Variants in TNC observed in about 807,000 individuals in gnomAD.
TNC encodes the protein tenascin.
A neutral mutation model predicts 202.4 loss-of-function variants in TNC; 109 were observed. That is an observed-to-expected ratio of 0.54 (90% confidence interval 0.46 to 0.63). The LOEUF (loss-of-function observed/expected upper bound fraction) is 0.63. Ranked by LOEUF, TNC falls within the 30% of genes least tolerant of loss-of-function variation. The pLI is 0.00. For missense variants in TNC, 2,756 were observed against 2,833.3 expected, an observed-to-expected ratio of 0.97 and a Z score of 0.62; for synonymous variants, 1,007 against 1,089.7, an observed-to-expected ratio of 0.92 and a Z score of 1.50.
chr9:115,026,665 T>C lies in TNC; in HGVS notation c.6200A>G (p.Gln2067Arg). 1 of 1,613,934 alleles carries C rather than the reference T, an allele frequency of 6.2e-7. No homozygotes were observed. The highest frequency in any genetic ancestry group is 8.5e-7 in the Non-Finnish European group (1 of 1,179,956). ...GLDNLNKITAQGQYELRVDLR... is the reference protein window; with the variant it reads ...GLDNLNKITARGQYELRVDLR... ...GTCCACCCGGAGCTCGTACTGCCCC[T>C]GGGCTGTGATTTTGTTCAGGTTGTC... The change falls in exon 26 of 28, where the codon CAG (glutamine) becomes CGG (arginine). Residue 2067 changes from glutamine to arginine, a missense_variant. Transcript: ENST00000350763.
Position 115,086,795 on chromosome 9 carries a change from C to T in TNC, c.936G>A (p.Glu312=). 1 of 1,614,032 alleles carries T rather than the reference C, an allele frequency of 6.2e-7. No individual in the cohort carries two copies. The highest frequency in any genetic ancestry group is 2.2e-5 in the East Asian group (1 of 44,884). ...CGAAGCAGTCATTGGGGCAGATGAG[C>T]TCACTGCAGTCTTCGCCCGTGAAAC... is the stretch of plus-strand genomic sequence containing the variant. ...DEGFTGEDCS[E]LICPNDCFDR... is the part of the protein sequence containing the mutation. Residue 312 remains glutamate (E), a synonymous_variant, in exon 3 of 28, where the codon GAG becomes GAA. Coordinates refer to ENST00000350763, the MANE Select transcript of TNC (RefSeq NM_002160.4).
chr9:115,085,818 C>T (rs1383844417), intron 3 of TNC, 46 bp downstream of exon 3: 1 of 1,530,080 alleles, frequency 6.5e-7, no homozygotes, highest in Non-Finnish European at 8.9e-7. Context: ...ACTAGGAGTC[C>T]ACTCCATCAT....
rs1834753412 is a variant in TNC, at chr9:115,086,543, A to G, written c.1188T>C (p.Asp396=). The G allele has an allele frequency of 6.2e-7, 1 of 1,613,516 alleles. No homozygotes were observed. The highest frequency in any genetic ancestry group is 1.3e-5 in the African/African-American group (1 of 74,762). The change falls in exon 3 of 28, where the codon GAT becomes GAC. Residue 396 remains aspartate (D), a synonymous_variant. Coordinates refer to ENST00000350763, the MANE Select transcript of TNC (RefSeq NM_002160.4). The stretch of plus-strand genomic sequence containing the variant: ...CCCCACAGTCAGCTCCAGTGAAACC[A>G]TCATCACACTCACACCGCCCGTCTA... The part of the protein sequence containing the change: ...RCVDGRCECD[D]GFTGADCGEL...
intron 26 of TNC, among the ~76,000 whole-genome samples, chr9:115,025,627 A>T (rs1414882477): frequency 6.6e-6 from 1 of 151,956 alleles, no homozygotes; most frequent in Non-Finnish European, 1.5e-5. Flanking sequence ...ACCTTCTACA[A>T]GCTGTTTTAC....
In TNC at chr9:115,064,636, G is replaced by A. The variant is rs1414039378; in HGVS notation, c.3487+11C>T. ...AAAAACAGAAGCTATAAATAGAAAG[G>A]AAAGAGATACCTGTGGAGGCCTCAG... On this transcript the variant is annotated intron_variant, in intron 11 of 27. Coordinates refer to ENST00000350763, the MANE Select transcript of TNC (RefSeq NM_002160.4). 1.9e-6 allele frequency: 3 copies of A among 1,586,570 alleles called. No homozygotes were observed. The highest frequency in any genetic ancestry group is 2.6e-6 in the Non-Finnish European group (3 of 1,163,356).
In TNC at chr9:115,075,042, G is replaced by A. The variant is rs145650604; in HGVS notation, c.2950+990C>T. ...AAAAAGAATTGGCATGTAAATGTCC[G>A]GCCTTGCATCCCGCATAATGTGGAA... On this transcript the variant is annotated intron_variant, in intron 9 of 27. Transcript: ENST00000350763. 3.6e-3 allele frequency among the ~76,000 whole-genome samples: 543 copies of A among 152,122 alleles called. 3 individuals carry two copies. The highest frequency in any genetic ancestry group is 0.013 in the African/African-American group (523 of 41,498).
rs371955537 is a variant in TNC at position 115,076,021 on chromosome 9, G to A, written c.2950+11C>T. On this transcript the variant is annotated intron_variant, in intron 9 of 27. Transcript: ENST00000350763. ...CAGCTCAGTGGGATGGGAATTCCAG[G>A]TGTGCCCCACCTGTGGCTGCGTTGA... is the stretch of plus-strand genomic sequence containing the variant. 14 of 1,612,756 alleles carry A rather than the reference G, an allele frequency of 8.7e-6. No individual in the cohort carries two copies. In the African/African-American group the frequency reaches 1.6e-4, roughly 18 times the overall value.
chr9:115,073,841 C>G lies in TNC; in HGVS notation c.2976G>C (p.Gln992His). Residue 992 changes from glutamine to histidine, a missense_variant, in exon 10 of 28, where the codon CAG becomes CAC. Gln to His is a conservative substitution (Grantham distance 24, BLOSUM62 0). This residue lies in a region of TNC where 2,559 missense variants were observed against 2,546.0 expected (regional missense o/e 1.01). Transcript: ENST00000350763. ...ATELDTPKDL[Q>H]VSETAETSLT... Reference sequence around the variant, plus strand: ...GGCTGGTCTCTGCAGTTTCAGAAACCTGAAGGTCCTTGGGCGTGTCCAACT... The same window carrying G: ...GGCTGGTCTCTGCAGTTTCAGAAACGTGAAGGTCCTTGGGCGTGTCCAACT... The G allele has an allele frequency of 1.9e-6, 3 of 1,612,304 alleles. No homozygotes were observed. Among genetic ancestry groups the G allele is most frequent in the Non-Finnish European group, 2.5e-6 (3 of 1,179,978 alleles).
At chr9:115,069,037 CTT>C (rs1387323080) in intron 10 of TNC, among the ~76,000 whole-genome samples, 1 of 152,208 alleles carries the variant, frequency 6.6e-6, no homozygotes, top group Non-Finnish European at 1.5e-5. Context: ...GTTTCTTTCT[CTT>C]CTATACACCG....
At chr9:115,110,406 G>T (rs1439055409) in intron 1 of TNC, among the ~76,000 whole-genome samples, 1 of 152,032 alleles carries the variant, frequency 6.6e-6, no homozygotes, top group African/African-American at 2.4e-5. Context: ...GGTTGAAGAA[G>T]GGGAAGGCTG....
rs764673645 is a variant in TNC, at chr9:115,043,560, G to A, written c.5126-1219C>T. Among the ~76,000 whole-genome samples, 39 of 152,178 alleles carry A rather than the reference G, an allele frequency of 2.6e-4. 1 individual carries two copies. Among genetic ancestry groups the A allele is most frequent in the Non-Finnish European group, 4.7e-4 (32 of 68,028 alleles). On this transcript the variant is annotated intron_variant, in intron 17 of 27. Coordinates refer to ENST00000350763, the MANE Select transcript of TNC (RefSeq NM_002160.4). Reference sequence around the variant, plus strand: ...GTACCCACCCACAGGGATGTTTTGAGGATTAGCAGAGATAACAAATGTGAA... The same window carrying A: ...GTACCCACCCACAGGGATGTTTTGAAGATTAGCAGAGATAACAAATGTGAA...
chr9:115,076,254 C>A, intron 8 of TNC, 133 bp from the exon 9 acceptor site: 2 of 1,400,794 alleles, frequency 1.4e-6, no homozygotes, highest in Non-Finnish European at 2.0e-6. Context: ...GAACTCACTG[C>A]AATCCAATAA....
intron 6 of TNC, among the ~76,000 whole-genome samples, chr9:115,081,275 G>A (rs550765753): frequency 1.3e-5 from 2 of 152,166 alleles, no homozygotes; most frequent in Non-Finnish European, 2.9e-5. Flanking sequence ...TAGATTGTTA[G>A]CAATGGGCTT....
rs1359914255 is a variant in TNC, at chr9:115,020,946, T to A, written c.*211A>T. Reference sequence around the variant, plus strand: ...AATCAAACAACAAAACAGAAACATGTTGGAGACTGATGTCTTTGGTGCAAA... The same window carrying A: ...AATCAAACAACAAAACAGAAACATGATGGAGACTGATGTCTTTGGTGCAAA... On this transcript the variant is annotated 3_prime_UTR_variant, in exon 28 of 28. Coordinates refer to ENST00000350763, the MANE Select transcript of TNC (RefSeq NM_002160.4). The A allele has an allele frequency of 1.9e-6, 1 of 533,866 alleles. No individual in the cohort carries two copies. The highest frequency in any genetic ancestry group is 3.3e-6 in the Non-Finnish European group (1 of 302,956). 33.1% of individuals were successfully genotyped at this position (533,866 alleles called of 1,614,324 possible). A position where few individuals can be genotyped will look rare whatever the true frequency, so the allele number is the denominator to read the frequency against.
chr9:115,108,969 C>A (rs1025702842), intron 1 of TNC, among the ~76,000 whole-genome samples: 2 of 152,132 alleles, frequency 1.3e-5, no homozygotes, highest in African/African-American at 2.4e-5. Flanking sequence ...AGATATGCCA[C>A]CATAATGTAA....
chr9:115,069,739 C>T, intron 10 of TNC, among the ~76,000 whole-genome samples: 1 of 5,906 alleles, frequency 1.7e-4, no homozygotes, highest in African/African-American at 7.0e-4. Context: ...TCCCTTCCTC[C>T]CTCCCTCCCT....
Position 115,063,029 on chromosome 9 carries a change from G to T in TNC, c.3921C>A (p.Ser1307Arg), listed in dbSNP as rs776682815. The T allele has an allele frequency of 4.3e-6, 7 of 1,614,036 alleles. No homozygotes were observed. Among genetic ancestry groups the T allele is most frequent in the African/African-American group, 1.3e-5 (1 of 74,904 alleles). The part of the protein sequence containing the change: ...EEAHNLTVPG[S>R]LRSMEIPGLR... The stretch of plus-strand genomic sequence containing the variant: ...GGCCTGGGATTTCCATGGAACGCAG[G>T]CTGCCAGGAACCGTGAGATTGTGAG... The change falls in exon 13 of 28, where the codon AGC becomes AGA. Residue 1307 changes from serine to arginine, a missense_variant. By Grantham distance (110) the Ser-to-Arg change is moderately radical. Around this residue, in one of 2 missense-constraint regions of TNC, gnomAD observed 2,559 missense variants for 2,546.0 expected, o/e 1.01. Coordinates refer to ENST00000350763, the MANE Select transcript of TNC (RefSeq NM_002160.4).
intron 1 of TNC, among the ~76,000 whole-genome samples, chr9:115,115,772 TG>T (rs1268140094): frequency 6.6e-6 from 1 of 152,198 alleles, no homozygotes; most frequent in Non-Finnish European, 1.5e-5. Context: ...ATGTGCTTTT[TG>T]TCATTGAAGA....
intron 12 of TNC, 36 bp from the exon 13 acceptor site, chr9:115,063,225 A>C: frequency 6.2e-7 from 1 of 1,604,110 alleles, no homozygotes. Context: ...GTTACTTAAA[A>C]AGGCAATTGC....
Sources: gnomAD v4.1 joint callset for allele counts (sites outside exome capture counted in the v4.1 genomes callset) on GRCh38, gnomAD v4.1.1 for gene constraint, gnomAD v4.1.1 regional missense constraint, MANE v1.5 for transcripts, NCBI Gene and HGNC (gene_info 2026-07-23, HGNC 2026-07-21) for gene names.